AATF: variants seen among roughly 807,000 people sequenced by gnomAD.
AATF encodes the protein apoptosis antagonizing transcription factor.
In AATF, 48 loss-of-function variants were observed where a neutral mutation model predicts 63.7. The observed-to-expected ratio is 0.75, with a 90% CI of 0.60 to 0.96. AATF has a LOEUF of 0.96. Ranked by LOEUF, AATF falls within the 40% of genes least tolerant of loss-of-function variation. The probability of loss-of-function intolerance (pLI) is 0.00; values close to 1 mark genes in which losing one functional copy is unlikely to be tolerated. For missense variants in AATF, 639 were observed against 685.7 expected (o/e 0.93, Z 0.76); for synonymous variants, 258 against 247.7 (o/e 1.04, Z -0.39).
intron 11 of AATF, among the ~76,000 whole-genome samples, chr17:37,053,616 C>T (rs8081351): frequency 0.017 from 2,516 of 152,314 alleles, 80 homozygotes; most frequent in African/African-American, 0.057. Context: ...CGCCTGTAAT[C>T]CCAGCACTTT....
At chr17:37,035,275 A>G (rs953901009) in intron 11 of AATF, among the ~76,000 whole-genome samples, 1 of 151,476 alleles carries the variant, frequency 6.6e-6, no homozygotes, top group Non-Finnish European at 1.5e-5. Flanking sequence ...CTGGAGAGCC[A>G]TGGCACTATT....
At chr17:36,949,799 G>C (rs1234403070) in intron 1 of AATF, among the ~76,000 whole-genome samples, 2 of 152,198 alleles carry the variant, frequency 1.3e-5, no homozygotes, top group Non-Finnish European at 2.9e-5. Flanking sequence ...AATAAGGAGG[G>C]ATAAATGCGA....
chr17:36,996,152 C>G (rs1330057244), intron 8 of AATF, among the ~76,000 whole-genome samples: 1 of 152,040 alleles, frequency 6.6e-6, no homozygotes, highest in African/African-American at 2.4e-5. Flanking sequence ...TTAAAATTGG[C>G]CAGGCATGGT....
At chr17:36,979,456 A>G (rs1462987131) in intron 4 of AATF, among the ~76,000 whole-genome samples, 1 of 152,136 alleles carries the variant, frequency 6.6e-6, no homozygotes, top group East Asian at 1.9e-4. Context: ...TTGAATGAAA[A>G]GTATTGTTCT....
At chr17:37,024,770 C>T (rs867930206) in intron 10 of AATF, among the ~76,000 whole-genome samples, 22 of 151,956 alleles carry the variant, frequency 1.4e-4, no homozygotes, top group African/African-American at 5.3e-4. Flanking sequence ...ACAAGCCTGG[C>T]CAACATGGTG....
At chr17:37,018,400 T>G (rs1220694387) in intron 8 of AATF, among the ~76,000 whole-genome samples, 1 of 152,220 alleles carries the variant, frequency 6.6e-6, no homozygotes, top group Non-Finnish European at 1.5e-5. Context: ...TTCTTTAGAT[T>G]CCCTCTTAAA....
At chr17:36,978,832 C>A (rs2071098609) in intron 4 of AATF, among the ~76,000 whole-genome samples, 1 of 151,590 alleles carries the variant, frequency 6.6e-6, no homozygotes, top group Non-Finnish European at 1.5e-5. Flanking sequence ...ATAGAACAAG[C>A]CCAAACAGTA....
chr17:36,985,165 G>A (rs2071158251), intron 4 of AATF, among the ~76,000 whole-genome samples: 1 of 152,078 alleles, frequency 6.6e-6, no homozygotes, highest in Non-Finnish European at 1.5e-5. Flanking sequence ...GCCTCCCAAA[G>A]TGCTGGGATT....
intron 4 of AATF, among the ~76,000 whole-genome samples, chr17:36,956,701 G>T (rs1183752405): frequency 6.6e-6 from 1 of 152,062 alleles, no homozygotes; most frequent in Non-Finnish European, 1.5e-5. Context: ...TCTTGGCCGG[G>T]CACGGTGGCT....
rs1291013748 is a variant in AATF at position 37,019,059 on chromosome 17, G to A, written c.1453G>A (p.Val485Met). 5.6e-6 allele frequency: 9 copies of A among 1,613,974 alleles called. No individual in the cohort carries two copies. The highest frequency in any genetic ancestry group is 1.3e-5 in the African/African-American group (1 of 74,926). The change falls in exon 9 of 12, where the codon GTG becomes ATG. Residue 485 changes from valine to methionine, a missense_variant. Val to Met is a conservative substitution (Grantham distance 21). Transcript: ENST00000619387. ...KTSSLDPNDQ[V>M]AMGRQWLAIQ... ...CAGCTCCTTGGATCCCAACGATCAG[G>A]TGGCCATGGGAAGGTAATTTAGATA...
chr17:37,028,385 G>A (rs2071526404), intron 10 of AATF, among the ~76,000 whole-genome samples: 1 of 152,100 alleles, frequency 6.6e-6, no homozygotes, highest in Admixed American at 6.5e-5. Flanking sequence ...AGTGAGCCGT[G>A]ATCGCACACT....
chr17:37,050,336 C>CA (rs2071737375), intron 11 of AATF, among the ~76,000 whole-genome samples: 1 of 152,178 alleles, frequency 6.6e-6, no homozygotes, highest in Non-Finnish European at 1.5e-5. Flanking sequence ...TGAACCTCCA[C>CA]AAAATCTAAC....
At chr17:37,046,730 A>AACACAC (rs58296683) in intron 11 of AATF, among the ~76,000 whole-genome samples, 4,498 of 139,994 alleles carry the variant, frequency 0.032, 115 homozygotes, top group African/African-American at 0.045. Context: ...GTGCTCCCCC[A>AACACAC]ACACACACAC....
intron 11 of AATF, chr17:37,052,784 G>T (rs1210414272): frequency 1.3e-5 from 2 of 152,320 alleles, no homozygotes; most frequent in Non-Finnish European, 2.9e-5. Flanking sequence ...AACCTCCAGG[G>T]CCTCAAACCC....
At chr17:36,974,958 A>T (rs918718821) in intron 4 of AATF, among the ~76,000 whole-genome samples, 17 of 152,260 alleles carry the variant, frequency 1.1e-4, no homozygotes, top group African/African-American at 4.1e-4. Flanking sequence ...GTTGAAGTTT[A>T]ATCTTAATTG....
intron 10 of AATF, among the ~76,000 whole-genome samples, chr17:37,026,300 G>C (rs186092785): frequency 2.6e-5 from 4 of 152,222 alleles, no homozygotes; most frequent in African/African-American, 4.8e-5. Flanking sequence ...TTTAATGTAA[G>C]TTCATGTGTG....
intron 11 of AATF, among the ~76,000 whole-genome samples, chr17:37,047,786 C>T (rs867130483): frequency 2.0e-5 from 3 of 152,160 alleles, no homozygotes; most frequent in South Asian, 2.1e-4. Flanking sequence ...TTATGGGCTC[C>T]GCTGACTGGT....
chr17:36,957,087 A>G (rs2070907782), intron 4 of AATF, among the ~76,000 whole-genome samples: 2 of 152,160 alleles, frequency 1.3e-5, no homozygotes, highest in South Asian at 2.1e-4. Flanking sequence ...ATTTGTACCA[A>G]CCCCAGAACA....
At position 36,953,843 on chromosome 17, in the gene AATF, A is replaced by T. The variant is rs2070877176; in HGVS notation, c.768A>T (p.Gln256His). Reference sequence around the variant, plus strand: ...TGTTGACCACCAACCAGCTTCCTCAACCAGATGTTTTCCCATTGTTCAAGG... The same window carrying T: ...TGTTGACCACCAACCAGCTTCCTCATCCAGATGTTTTCCCATTGTTCAAGG... The part of the protein sequence containing the change: ...KALLTTNQLP[Q>H]PDVFPLFKDK... The change falls in exon 4 of 12, where the codon CAA becomes CAT. Residue 256 changes from glutamine (Q) to histidine (H), a missense_variant. Physicochemically the swap from Gln to His is conservative, Grantham distance 24. Transcript: ENST00000619387. 1 of 1,614,142 alleles carries T rather than the reference A, an allele frequency of 6.2e-7. No individual in the cohort carries two copies. The highest frequency in any genetic ancestry group is 8.5e-7 in the Non-Finnish European group (1 of 1,180,018).
Sources: gnomAD v4.1 joint callset for allele counts (sites outside exome capture counted in the v4.1 genomes callset) on GRCh38, gnomAD v4.1.1 for gene constraint, MANE v1.5 for transcripts, NCBI Gene and HGNC (gene_info 2026-07-23, HGNC 2026-07-21) for gene names.